The following OPALIN variants were observed in gnomAD, a reference collection of about 807,000 sequenced individuals.
OPALIN encodes the protein oligodendrocytic myelin paranodal and inner loop protein.
OPALIN carries 15 observed loss-of-function variants against 17.8 expected under a neutral mutation model. The ratio of observed to expected loss-of-function variants is 0.84; its 90% confidence interval spans 0.56 to 1.29. The LOEUF (loss-of-function observed/expected upper bound fraction) is 1.29. Ranked by LOEUF, OPALIN falls within the 50% of genes most tolerant of loss-of-function variation. OPALIN has a pLI of 0.00. For synonymous variants in OPALIN, 62 were observed against 63.8 expected (o/e 0.97, Z 0.14); for missense variants, 170 against 176.0 (o/e 0.97, Z 0.19).
At chr10:96,356,867 C>T in intron 1 of OPALIN, 1 of 985,108 alleles carries the variant, frequency 1.0e-6, no homozygotes, top group Non-Finnish European at 1.2e-6. Flanking sequence ...AGAATTTGAA[C>T]AGGTTTCCCA....
rs72829514 is a variant in OPALIN at position 96,357,152 on chromosome 10, G to A, written c.3+1742C>T. The A allele has an allele frequency of 1.7e-3, 1,704 of 984,390 alleles. 2 individuals carry two copies. The highest frequency in any genetic ancestry group is 1.9e-3 in the Non-Finnish European group (1,558 of 829,874). 61.0% of individuals were successfully genotyped at this position (984,390 alleles called of 1,614,324 possible). ...CGTGCTGCAAGGACACTGGATGGTC[G>A]CTGCACTGAATGCAGCTGCCCAGAG... On this transcript the variant is annotated intron_variant, in intron 1 of 5. Coordinates refer to ENST00000371172, the MANE Select transcript of OPALIN (RefSeq NM_033207.5).
rs1589382430 is a variant in OPALIN, at chr10:96,345,710, A to T, written c.*231T>A. The stretch of plus-strand genomic sequence containing the variant: ...CTGGGAGCAGGAATAGGATCTAAGG[A>T]CCCCATCTGGTGAGTCACATGTACT... On this transcript the variant is annotated 3_prime_UTR_variant, in exon 6 of 6. Coordinates refer to ENST00000371172, the MANE Select transcript of OPALIN (RefSeq NM_033207.5). 1 of 414,604 alleles carries T rather than the reference A, an allele frequency of 2.4e-6. No individual in the cohort carries two copies. Among genetic ancestry groups the T allele is most frequent in the Non-Finnish European group, 4.2e-6 (1 of 235,410 alleles). 25.7% of individuals were successfully genotyped at this position (414,604 alleles called of 1,614,324 possible).
At chr10:96,355,359 C>T in intron 1 of OPALIN, 69 bp from the exon 2 acceptor site, 1 of 1,411,202 alleles carries the variant, frequency 7.1e-7, no homozygotes, top group East Asian at 2.3e-5. Context: ...CTTCCTCAAA[C>T]TCACTGACCC....
At chr10:96,358,176 A>T (rs1053741582) in intron 1 of OPALIN, among the ~76,000 whole-genome samples, 1 of 70,038 alleles carries the variant, frequency 1.4e-5, no homozygotes, top group Non-Finnish European at 2.8e-5. Context: ...CCTTTTAACA[A>T]TGCTTTTTGT....
At chr10:96,357,457 C>T (rs1845866087) in intron 1 of OPALIN, among the ~76,000 whole-genome samples, 1 of 152,162 alleles carries the variant, frequency 6.6e-6, no homozygotes, top group South Asian at 2.1e-4. Context: ...TGGGATGATG[C>T]AACCCTGAGC....
In OPALIN at chr10:96,346,115, A is replaced by T; in HGVS notation, c.252T>A (p.Asn84Lys). The change falls in exon 6 of 6, where the codon AAT becomes AAA. Residue 84 changes from asparagine to lysine, a missense_variant and splice_region_variant. By Grantham distance (94) the Asn-to-Lys change is moderately conservative. Coordinates refer to ENST00000371172, the MANE Select transcript of OPALIN (RefSeq NM_033207.5). ...EIDDNPKISENPRRSPTHEKN... is the reference protein window; with the variant it reads ...EIDDNPKISEKPRRSPTHEKN... Reference sequence around the variant, plus strand: ...TCTCATGTGTGGGTGATCTCCTAGGATTCTTAAGGAAACAAATAGGTTTTT... The same window carrying T: ...TCTCATGTGTGGGTGATCTCCTAGGTTTCTTAAGGAAACAAATAGGTTTTT... 6.2e-7 allele frequency: 1 copy of T among 1,613,108 alleles called. No individual in the cohort carries two copies. Among genetic ancestry groups the T allele is most frequent in the Non-Finnish European group, 8.5e-7 (1 of 1,179,552 alleles).
Position 96,345,915 on chromosome 10 carries a change from GTC to G in OPALIN, c.*24_*25del. On this transcript the variant is annotated 3_prime_UTR_variant, in exon 6 of 6. Transcript: ENST00000371172. Reference sequence around the variant, plus strand: ...GTTTTCAACCCTGTTCCAGTGCCAGGTCTGCTGCTCCTTGACTGAGCTGCATC... The same window carrying G: ...GTTTTCAACCCTGTTCCAGTGCCAGGTGCTGCTCCTTGACTGAGCTGCATC... 1 of 1,602,726 alleles carries G rather than the reference GTC, an allele frequency of 6.2e-7. No individual in the cohort carries two copies. The highest frequency in any genetic ancestry group is 8.5e-7 in the Non-Finnish European group (1 of 1,174,572).
chr10:96,345,693 A>C lies in OPALIN; in HGVS notation c.*248T>G. On this transcript the variant is annotated 3_prime_UTR_variant, in exon 6 of 6. Coordinates refer to ENST00000371172, the MANE Select transcript of OPALIN (RefSeq NM_033207.5). ...AGAAAAGCAAATTCCCACTGGGAGCAGGAATAGGATCTAAGGACCCCATCT... is the reference window on the plus strand; with the variant it reads ...AGAAAAGCAAATTCCCACTGGGAGCCGGAATAGGATCTAAGGACCCCATCT... 1 of 380,196 alleles carries C rather than the reference A, an allele frequency of 2.6e-6. No individual in the cohort carries two copies. The allele number at this position is 380,196 out of a possible 1,614,324, so 23.6% of individuals were successfully genotyped here.
At chr10:96,347,504 C>G (rs560673434) in intron 5 of OPALIN, among the ~76,000 whole-genome samples, 72 of 151,506 alleles carry the variant, frequency 4.8e-4, no homozygotes, top group African/African-American at 1.6e-3. Flanking sequence ...TGGAGTCTTG[C>G]TCTTGTCACC....
intron 5 of OPALIN, among the ~76,000 whole-genome samples, chr10:96,347,759 C>G (rs898925699): frequency 1.3e-5 from 2 of 152,254 alleles, no homozygotes; most frequent in African/African-American, 2.4e-5. Flanking sequence ...AGGCGTGAGC[C>G]ACTGCACCGG....
At chr10:96,357,209 T>C in intron 1 of OPALIN, 1 of 972,058 alleles carries the variant, frequency 1.0e-6, no homozygotes, top group Non-Finnish European at 1.2e-6. Flanking sequence ...TGAGGACTGA[T>C]GTCAGCAGCC....
chr10:96,343,739 G>A lies in OPALIN; in HGVS notation c.*2202C>T, dbSNP rs1371188569. The A allele has an allele frequency of 6.6e-6, 1 of 152,162 alleles. No homozygotes were observed. Among genetic ancestry groups the A allele is most frequent in the Non-Finnish European group, 1.5e-5 (1 of 68,048 alleles). 9.4% of individuals were successfully genotyped at this position (152,162 alleles called of 1,614,324 possible). ...TTGGCACAAAACTGAGTTTCAAAAG[G>A]GGCTTTGAAGAGCAGGTATTGACAT... On this transcript the variant is annotated 3_prime_UTR_variant, in exon 6 of 6. Coordinates refer to ENST00000371172, the MANE Select transcript of OPALIN (RefSeq NM_033207.5).
In OPALIN at chr10:96,345,908, G is replaced by C. The variant is rs753396156; in HGVS notation, c.*33C>G. On this transcript the variant is annotated 3_prime_UTR_variant, in exon 6 of 6. Coordinates refer to ENST00000371172, the MANE Select transcript of OPALIN (RefSeq NM_033207.5). ...ACCCTGGGTTTTCAACCCTGTTCCA[G>C]TGCCAGGTCTGCTGCTCCTTGACTG... 41 of 1,602,214 alleles carry C rather than the reference G, an allele frequency of 2.6e-5. No homozygotes were observed. Among genetic ancestry groups the C allele is most frequent in the Non-Finnish European group, 3.4e-5 (40 of 1,174,192 alleles).
rs1426352973 is a variant in OPALIN, at chr10:96,345,795, A to T, written c.*146T>A. The T allele has an allele frequency of 1.2e-5, 9 of 726,518 alleles. No individual in the cohort carries two copies. The African/African-American group carries it at 1.6e-4, about 13-fold the overall frequency. 45.0% of individuals were successfully genotyped at this position (726,518 alleles called of 1,614,324 possible). Reference sequence around the variant, plus strand: ...CATGTTGGGGATGTCCCCTAAAGAGACAAATCAGCCCCAAAGTGTTCCAGA... The same window carrying T: ...CATGTTGGGGATGTCCCCTAAAGAGTCAAATCAGCCCCAAAGTGTTCCAGA... On this transcript the variant is annotated 3_prime_UTR_variant, in exon 6 of 6. Coordinates refer to ENST00000371172, the MANE Select transcript of OPALIN (RefSeq NM_033207.5).
chr10:96,349,679 ATC>A, intron 4 of OPALIN, 26 bp downstream of exon 4: 1 of 1,608,658 alleles, frequency 6.2e-7, no homozygotes, highest in Non-Finnish European at 8.5e-7. Context: ...CTGCCTATAC[ATC>A]TGGACCCAAA....
chr10:96,357,098 C>T lies in OPALIN; in HGVS notation c.3+1796G>A, dbSNP rs1010674660. ...TCCTCTTGCTCAAGGGACCTAACCA[C>T]TGCTCTTCACGCTAGCACCAGACCA... On this transcript the variant is annotated intron_variant, in intron 1 of 5. Transcript: ENST00000371172. 8 of 985,400 alleles carry T rather than the reference C, an allele frequency of 8.1e-6. No homozygotes were observed. The African/African-American group carries it at 1.2e-4, about 15-fold the overall frequency. 61.0% of individuals were successfully genotyped at this position (985,400 alleles called of 1,614,324 possible). A position where few individuals can be genotyped will look rare whatever the true frequency, so the allele number is the denominator to read the frequency against.
In OPALIN at chr10:96,346,034, G is replaced by A. The variant is rs151229864; in HGVS notation, c.333C>T (p.Ser111=). Residue 111 remains serine, a synonymous_variant, in exon 6 of 6, where the codon AGC becomes AGT. Coordinates refer to ENST00000371172, the MANE Select transcript of OPALIN (RefSeq NM_033207.5). ...GGTAACGGTCATGCACAGGTTCCTCGCTTCCTGCTACAGTCTTCACATATA... is the reference window on the plus strand; with the variant it reads ...GGTAACGGTCATGCACAGGTTCCTCACTTCCTGCTACAGTCTTCACATATA... ...AHIYVKTVAG[S]EEPVHDRYRP... 1.7e-4 allele frequency: 276 copies of A among 1,614,026 alleles called. 2 individuals carry two copies. The African/African-American group carries it at 2.2e-3, about 13-fold the overall frequency.
intron 2 of OPALIN, 109 bp downstream of exon 2, chr10:96,355,146 T>A: frequency 2.5e-6 from 1 of 394,588 alleles, no homozygotes; most frequent in African/African-American, 2.4e-5. Context: ...AGAAAGTCTG[T>A]GTAACTTATC....
At chr10:96,349,681 C>A in intron 4 of OPALIN, 26 bp downstream of exon 4, 1 of 1,608,616 alleles carries the variant, frequency 6.2e-7, no homozygotes, top group South Asian at 1.1e-5. Flanking sequence ...GCCTATACAT[C>A]TGGACCCAAA....
Sources: gnomAD v4.1 joint callset for allele counts (sites outside exome capture counted in the v4.1 genomes callset) on GRCh38, gnomAD v4.1.1 for gene constraint, MANE v1.5 for transcripts, NCBI Gene and HGNC (gene_info 2026-07-23, HGNC 2026-07-21) for gene names.